Variants in PTPRM observed in about 807,000 individuals in gnomAD.
PTPRM encodes protein tyrosine phosphatase receptor type M, also known as receptor-type tyrosine-protein phosphatase mu.
PTPRM carries 47 observed loss-of-function variants against 186.7 expected under a neutral mutation model. The ratio of observed to expected loss-of-function variants is 0.25; its 90% CI spans 0.20 to 0.32. The LOEUF is 0.32. PTPRM is among the 10% of genes least tolerant of loss of function. The pLI is 1.00. For synonymous variants in PTPRM, 668 were observed against 674.9 expected, an observed-to-expected ratio of 0.99 and a Z score of 0.16; for missense variants, 1,494 against 1,865.0, an observed-to-expected ratio of 0.80 and a Z score of 3.66.
intron 2 of PTPRM, among the ~76,000 whole-genome samples, chr18:7,805,885 A>G (rs74772925): frequency 0.02 from 2,981 of 152,310 alleles, 93 homozygotes; most frequent in African/African-American, 0.067. Context: ...AACATACCAT[A>G]TTTGTAATGT....
At chr18:8,004,113 G>C (rs774893240) in intron 7 of PTPRM, among the ~76,000 whole-genome samples, 51 of 152,156 alleles carry the variant, frequency 3.4e-4, no homozygotes, top group Non-Finnish European at 6.2e-4. Context: ...CATGACAGAG[G>C]GGGAATCTCA....
chr18:7,950,236 A>AT, intron 6 of PTPRM, among the ~76,000 whole-genome samples: 1 of 152,284 alleles, frequency 6.6e-6, no homozygotes, highest in African/African-American at 2.4e-5. Context: ...CTCTACAAAA[A>AT]TTTGTAAAAA....
At chr18:7,614,877 G>A (rs1438744625) in intron 1 of PTPRM, among the ~76,000 whole-genome samples, 1 of 151,980 alleles carries the variant, frequency 6.6e-6, no homozygotes, top group African/African-American at 2.4e-5. Flanking sequence ...TTCTAATAAC[G>A]GTTTTACAAG....
chr18:7,758,023 A>C (rs73393529), intron 1 of PTPRM, among the ~76,000 whole-genome samples: 5 of 152,240 alleles, frequency 3.3e-5, no homozygotes, highest in African/African-American at 1.2e-4. Context: ...CACGGGGGAC[A>C]CATCCTAAAA....
intron 1 of PTPRM, among the ~76,000 whole-genome samples, chr18:7,611,436 A>G (rs1294305795): frequency 1.3e-5 from 2 of 152,206 alleles, no homozygotes; most frequent in South Asian, 2.1e-4. Flanking sequence ...CAGGTGTACA[A>G]TTTTTATCTT....
At chr18:7,676,865 G>T (rs921400228) in intron 1 of PTPRM, among the ~76,000 whole-genome samples, 1 of 152,166 alleles carries the variant, frequency 6.6e-6, no homozygotes, top group Non-Finnish European at 1.5e-5. Context: ...TTTTAAAAAG[G>T]TGAGTATGTT....
chr18:8,405,116 T>A lies in PTPRM; in HGVS notation c.4345-993T>A, dbSNP rs375848187. On this transcript the variant is annotated intron_variant, in intron 32 of 32. Coordinates refer to ENST00000580170, the MANE Select transcript of PTPRM (RefSeq NM_001105244.2). ...AGTTCGAGGCTGTGTTGAGCCATGA[T>A]TGCACCACCGCACTCCAGCTTGGGT... 2.6e-5 allele frequency: 4 copies of A among 150,994 alleles called. No individual in the cohort carries two copies. In the East Asian group the frequency reaches 7.8e-4, roughly 30 times the overall value. 9.4% of individuals were successfully genotyped at this position (150,994 alleles called of 1,614,324 possible). A position where few individuals can be genotyped will look rare whatever the true frequency, so the allele number is the denominator to read the frequency against.
chr18:8,113,086 T>C (rs770469074), intron 11 of PTPRM, among the ~76,000 whole-genome samples: 4 of 152,242 alleles, frequency 2.6e-5, no homozygotes, highest in Admixed American at 1.3e-4. Flanking sequence ...CATTGCTTTT[T>C]AAAATAAACT....
At chr18:7,914,544 T>A (rs150639640) in intron 4 of PTPRM, among the ~76,000 whole-genome samples, 2 of 152,218 alleles carry the variant, frequency 1.3e-5, no homozygotes, top group East Asian at 3.9e-4. Flanking sequence ...AATATAGGGA[T>A]TACATTAGTT....
At chr18:7,776,267 A>T (rs924617986) in intron 2 of PTPRM, among the ~76,000 whole-genome samples, 8 of 152,056 alleles carry the variant, frequency 5.3e-5, no homozygotes, top group Non-Finnish European at 1.0e-4. Flanking sequence ...CTTATTTCTG[A>T]TAGTTACAGA....
intron 23 of PTPRM, chr18:8,366,930 A>C (rs765112660): frequency 1.3e-5 from 2 of 152,230 alleles, no homozygotes; most frequent in Non-Finnish European, 2.9e-5. Flanking sequence ...GGAGGCAGCC[A>C]AGCCAGGCGC....
intron 14 of PTPRM, among the ~76,000 whole-genome samples, chr18:8,203,709 GTATA>G (rs1014356929): frequency 1.3e-5 from 2 of 152,098 alleles, no homozygotes; most frequent in African/African-American, 4.8e-5. Context: ...CAAAATAAGT[GTATA>G]TATGTATGTA....
At chr18:8,326,310 C>G (rs1409973791) in intron 22 of PTPRM, among the ~76,000 whole-genome samples, 4 of 152,166 alleles carry the variant, frequency 2.6e-5, no homozygotes, top group Admixed American at 2.0e-4. Flanking sequence ...AAAAAATATT[C>G]CATGCTCATG....
chr18:7,634,700 G>A (rs1166338315), intron 1 of PTPRM, among the ~76,000 whole-genome samples: 4 of 152,146 alleles, frequency 2.6e-5, no homozygotes, highest in African/African-American at 7.2e-5. Flanking sequence ...AATCCTTGAC[G>A]ATGGATTTCT....
intron 4 of PTPRM, among the ~76,000 whole-genome samples, chr18:7,925,562 C>T (rs2146787773): frequency 6.6e-6 from 1 of 152,230 alleles, no homozygotes; most frequent in African/African-American, 2.4e-5. Context: ...CTAGACATGG[C>T]TAAAGACACA....
At chr18:8,344,448 G>GTGTGTGTGTA (rs1360655194) in intron 23 of PTPRM, among the ~76,000 whole-genome samples, 58 of 33,426 alleles carry the variant, frequency 1.7e-3, no homozygotes, top group African/African-American at 4.3e-3. Context: ...GTGTGTGTGT[G>GTGTGTGTGTA]TATATATATA....
At chr18:8,074,630 C>T (rs1052784049) in intron 8 of PTPRM, among the ~76,000 whole-genome samples, 43 of 152,118 alleles carry the variant, frequency 2.8e-4, no homozygotes, top group African/African-American at 9.2e-4. Flanking sequence ...ATTATGGTTT[C>T]GATTTACAGC....
intron 1 of PTPRM, among the ~76,000 whole-genome samples, chr18:7,708,384 CTCTT>C (rs1412044735): frequency 1.3e-5 from 2 of 152,144 alleles, no homozygotes; most frequent in African/African-American, 4.8e-5. Flanking sequence ...TATAATCAAG[CTCTT>C]TCTGTGTAAT....
At chr18:7,597,106 T>C (rs7243600) in intron 1 of PTPRM, among the ~76,000 whole-genome samples, 14,407 of 152,240 alleles carry the variant, frequency 0.095, 1,335 homozygotes, top group East Asian at 0.42. Flanking sequence ...CCACCCTCCT[T>C]GTCCTTCTAA....
Sources: gnomAD v4.1 joint callset for allele counts (sites outside exome capture counted in the v4.1 genomes callset) on GRCh38, gnomAD v4.1.1 for gene constraint, MANE v1.5 for transcripts, NCBI Gene and HGNC (gene_info 2026-07-23, HGNC 2026-07-21) for gene names.